Variants in KLHL29 observed in about 807,000 individuals in gnomAD.
KLHL29 encodes kelch like family member 29.
KLHL29 carries 21 observed loss-of-function variants against 80.4 expected under a neutral mutation model. That is an observed-to-expected ratio of 0.26 (90% CI 0.19 to 0.38). The LOEUF (loss-of-function observed/expected upper bound fraction) is 0.38, where lower values mean the gene tolerates loss of function less well. Among genes scored for constraint, KLHL29 ranks in the 10% least tolerant of loss-of-function variants. The pLI is 1.00. For synonymous variants in KLHL29, 511 were observed against 526.8 expected (o/e 0.97, Z 0.41); for missense variants, 867 against 1,223.9 (o/e 0.71, Z 4.35).
At chr2:23,660,687 A>G (rs914760173) in intron 5 of KLHL29, among the ~76,000 whole-genome samples, 1 of 152,198 alleles carries the variant, frequency 6.6e-6, no homozygotes, top group Non-Finnish European at 1.5e-5. Flanking sequence ...TGGGGCCCAC[A>G]TGGAAGCTCC....
At chr2:23,704,818 T>C (rs1672616502) in intron 13 of KLHL29, among the ~76,000 whole-genome samples, 1 of 152,224 alleles carries the variant, frequency 6.6e-6, no homozygotes, top group Non-Finnish European at 1.5e-5. Flanking sequence ...CCATAGCAGA[T>C]GCTTCCTGAA....
At chr2:23,605,773 GTTT>G (rs34164678) in intron 3 of KLHL29, among the ~76,000 whole-genome samples, 2 of 142,850 alleles carry the variant, frequency 1.4e-5, no homozygotes, top group Non-Finnish European at 1.5e-5. Context: ...TGGGAAAACC[GTTT>G]TTTTTTTTTT....
chr2:23,678,483 A>G (rs2712105), intron 5 of KLHL29, among the ~76,000 whole-genome samples: 125,127 of 152,174 alleles, frequency 0.82, 53,509 homozygotes, highest in East Asian at 1. Context: ...ATGAGAGACC[A>G]CGTGGAGCAG....
At position 23,487,460 on chromosome 2, in the gene KLHL29, G is replaced by A. The variant is rs373663803; in HGVS notation, c.-46+11793G>A. ...TGGCTATACCCCCTGGAAGTACTCC[G>A]TCCTGGGGAAGAAGTTCTTTGCTCA... On this transcript the variant is annotated intron_variant, in intron 2 of 13. Coordinates refer to ENST00000486442, the MANE Select transcript of KLHL29 (RefSeq NM_052920.2). 1.9e-3 allele frequency among the ~76,000 whole-genome samples: 284 copies of A among 152,284 alleles called. 4 individuals are homozygous for A. The South Asian group carries it at 0.032, about 17-fold the overall frequency.
chr2:23,658,999 C>T (rs1670326872), intron 5 of KLHL29, among the ~76,000 whole-genome samples: 1 of 152,248 alleles, frequency 6.6e-6, no homozygotes, highest in African/African-American at 2.4e-5. Context: ...ACTCTCCCCA[C>T]CACCCAGCAT....
chr2:23,427,069 T>C (rs1558334261), intron 1 of KLHL29, among the ~76,000 whole-genome samples: 1 of 152,170 alleles, frequency 6.6e-6, no homozygotes, highest in Non-Finnish European at 1.5e-5. Flanking sequence ...ATATCCCAGG[T>C]GACCGCTGCA....
Position 23,623,325 on chromosome 2 carries a change from A to G in KLHL29, c.286-15814A>G, listed in dbSNP as rs1572446296. On this transcript the variant is annotated intron_variant, in intron 3 of 13. Transcript: ENST00000486442. Reference sequence around the variant, plus strand: ...GATGAGCCCTGGGAGCCATGCACCCAGGTTTACACGTTAGTGGCAGGAGGA... The same window carrying G: ...GATGAGCCCTGGGAGCCATGCACCCGGGTTTACACGTTAGTGGCAGGAGGA... 2.0e-5 allele frequency among the ~76,000 whole-genome samples: 3 copies of G among 152,138 alleles called. No homozygotes were observed. The East Asian group carries it at 5.8e-4, about 29-fold the overall frequency.
chr2:23,675,759 G>A (rs951405422), intron 5 of KLHL29, among the ~76,000 whole-genome samples: 20 of 152,218 alleles, frequency 1.3e-4, no homozygotes, highest in East Asian at 9.6e-4. Context: ...GATTGCATAC[G>A]AAGCGCAGGG....
intron 3 of KLHL29, among the ~76,000 whole-genome samples, chr2:23,595,055 C>G: frequency 6.6e-6 from 1 of 151,984 alleles, no homozygotes; most frequent in East Asian, 1.9e-4. Flanking sequence ...CATCGTTTAC[C>G]ACAACAGAGA....
chr2:23,498,355 G>A (rs1373775499), intron 2 of KLHL29, among the ~76,000 whole-genome samples: 1 of 152,212 alleles, frequency 6.6e-6, no homozygotes, highest in African/African-American at 2.4e-5. Context: ...TCCATACCGA[G>A]TGGGCTGGAG....
At chr2:23,412,268 G>A (rs1490312761) in intron 1 of KLHL29, among the ~76,000 whole-genome samples, 2 of 152,088 alleles carry the variant, frequency 1.3e-5, no homozygotes, top group Admixed American at 6.5e-5. Flanking sequence ...GTGTGTCAAT[G>A]GTTGAGGAAT....
intron 2 of KLHL29, among the ~76,000 whole-genome samples, chr2:23,542,185 A>G (rs1465247135): frequency 1.3e-5 from 2 of 152,204 alleles, no homozygotes; most frequent in African/African-American, 4.8e-5. Flanking sequence ...TTTAGCAATT[A>G]TATTTCTTCC....
At chr2:23,665,837 C>A (rs1670538675) in intron 5 of KLHL29, among the ~76,000 whole-genome samples, 1 of 152,206 alleles carries the variant, frequency 6.6e-6, no homozygotes, top group South Asian at 2.1e-4. Context: ...CAGGGGTCCG[C>A]ACCCATAACC....
Position 23,693,265 on chromosome 2 carries a change from C to A in KLHL29, c.1283-4C>A. ...GGTCAGTGGTCCTGCGCTGTCGCCC[C>A]CAGAGAAGCAGCTGACGGCCAGCAA... On this transcript the variant is annotated splice_region_variant and splice_polypyrimidine_tract_variant and intron_variant, in intron 7 of 13. Transcript: ENST00000486442. 1.9e-6 allele frequency: 3 copies of A among 1,540,912 alleles called. No homozygotes were observed. Among genetic ancestry groups the A allele is most frequent in the African/African-American group, 2.7e-5 (2 of 72,914 alleles).
At chr2:23,397,143 C>T (rs1370692) in intron 1 of KLHL29, among the ~76,000 whole-genome samples, 14,586 of 152,188 alleles carry the variant, frequency 0.096, 1,060 homozygotes, top group African/African-American at 0.2. Flanking sequence ...CGCAGGCAGC[C>T]GTGGAGAACC....
At chr2:23,396,604 G>A (rs1347730701) in intron 1 of KLHL29, among the ~76,000 whole-genome samples, 2 of 152,156 alleles carry the variant, frequency 1.3e-5, no homozygotes, top group Admixed American at 6.5e-5. Context: ...TTGTCAGGCC[G>A]ATCCTTCTAG....
At chr2:23,661,333 C>T (rs1202530660) in intron 5 of KLHL29, among the ~76,000 whole-genome samples, 5 of 111,952 alleles carry the variant, frequency 4.5e-5, no homozygotes, top group East Asian at 5.7e-4. Context: ...CAGATCAAGA[C>T]CCTGTCTAAA....
intron 1 of KLHL29, among the ~76,000 whole-genome samples, chr2:23,400,974 A>G (rs1174058321): frequency 2.0e-5 from 3 of 152,254 alleles, no homozygotes; most frequent in Admixed American, 6.5e-5. Flanking sequence ...AGCATCAAGA[A>G]TACCTTTGTT....
At position 23,645,282 on chromosome 2, in the gene KLHL29, C is replaced by T. The variant is rs367872300; in HGVS notation, c.940+2432C>T. 9.2e-5 allele frequency among the ~76,000 whole-genome samples: 14 copies of T among 152,246 alleles called. No homozygotes were observed. In the East Asian group the frequency reaches 9.6e-4, roughly 10 times the overall value. ...TCTTTGAAACTTGCCATGTGAGAGT[C>T]GTGTTCCTGACAGGACCAGGTGGGC... On this transcript the variant is annotated intron_variant, in intron 5 of 13. Transcript: ENST00000486442.
Sources: allele counts gnomAD v4.1 joint callset (sites outside exome capture counted in the v4.1 genomes callset), GRCh38; gene constraint gnomAD v4.1.1; transcripts MANE v1.5; gene names NCBI Gene and HGNC (gene_info 2026-07-23, HGNC 2026-07-21).